Variants in ZNF106 observed in about 807,000 individuals in gnomAD.
ZNF106 encodes the protein SH3-domain binding protein 3.
In ZNF106, 67 loss-of-function variants were observed where a neutral mutation model predicts 195.1. The observed-to-expected ratio is 0.34, with a 90% confidence interval of 0.28 to 0.42. The LOEUF (loss-of-function observed/expected upper bound fraction) is 0.42. ZNF106 is among the 10% of genes least tolerant of loss of function. The probability of loss-of-function intolerance (pLI) is 1.00; values close to 1 mark genes in which losing one functional copy is unlikely to be tolerated. For synonymous variants in ZNF106, 784 were observed against 818.6 expected, an observed-to-expected ratio of 0.96 and a Z score of 0.72; for missense variants, 2,118 against 2,304.5, an observed-to-expected ratio of 0.92 and a Z score of 1.66.
At chr15:42,441,047 A>ATATG (rs2055514363) in intron 10 of ZNF106, among the ~76,000 whole-genome samples, 1 of 104,952 alleles carries the variant, frequency 9.5e-6, no homozygotes, top group East Asian at 3.2e-4. Context: ...ATATATATAT[A>ATATG]TGCTAAGTCA....
chr15:42,484,174 C>A (rs560819448), intron 1 of ZNF106, among the ~76,000 whole-genome samples: 4 of 152,270 alleles, frequency 2.6e-5, no homozygotes, highest in Non-Finnish European at 4.4e-5. Context: ...ACAATTTTTT[C>A]TTTAAAGATA....
intron 14 of ZNF106, among the ~76,000 whole-genome samples, chr15:42,432,472 C>T (rs1384582595): frequency 6.6e-6 from 1 of 152,114 alleles, no homozygotes; most frequent in African/African-American, 2.4e-5. Flanking sequence ...TTAAAGTCTG[C>T]TTGCTCAATA....
rs2054401615 is a variant in ZNF106 at position 42,415,138 on chromosome 15, T to TTTTA, written c.*2165_*2166insTAAA. The TTTTA allele has an allele frequency of 1.1e-5, 2 of 176,488 alleles. No homozygotes were observed. Among genetic ancestry groups the TTTTA allele is most frequent in the African/African-American group, 4.8e-5 (2 of 41,594 alleles). The allele number at this position is 176,488 out of a possible 1,614,324, so 10.9% of individuals were successfully genotyped here. On this transcript the variant is annotated 3_prime_UTR_variant, in exon 22 of 22. Coordinates refer to ENST00000564754, the MANE Select transcript of ZNF106 (RefSeq NM_001366845.3). ...AGATTAACTCTTTTTTTTTTTTTTT[T>TTTTA]GAGGTGGAGTTTCACTCTTGTCGCC...
Position 42,451,434 on chromosome 15 carries a change from C to T in ZNF106, c.838G>A (p.Glu280Lys), listed in dbSNP as rs2056025841. 1 of 1,614,066 alleles carries T rather than the reference C, an allele frequency of 6.2e-7. No individual in the cohort carries two copies. The highest frequency in any genetic ancestry group is 8.5e-7 in the Non-Finnish European group (1 of 1,180,046). The change falls in exon 5 of 22, where the codon GAA (glutamate) becomes AAA (lysine). Residue 280 changes from glutamate to lysine, a missense_variant. Glu to Lys is a moderately conservative substitution (Grantham distance 56, BLOSUM62 1). Transcript: ENST00000564754. Reference sequence around the variant, plus strand: ...TTGTTCCATAGCATAGTCATGTCTTCCATTTGACAGTTAGAATTTCTGTTT... The same window carrying T: ...TTGTTCCATAGCATAGTCATGTCTTTCATTTGACAGTTAGAATTTCTGTTT... ...GRNRNSNCQM[E>K]DMTMLWNKKS...
chr15:42,468,743 A>AAAAAAAT (rs1347982563), intron 2 of ZNF106, among the ~76,000 whole-genome samples: 2 of 151,704 alleles, frequency 1.3e-5, no homozygotes, highest in African/African-American at 4.8e-5. Context: ...CTCCGTCTCA[A>AAAAAAAT]AAAAAATAAA....
chr15:42,479,112 G>A (rs1263298987), intron 1 of ZNF106, among the ~76,000 whole-genome samples: 1 of 152,070 alleles, frequency 6.6e-6, no homozygotes, highest in African/African-American at 2.4e-5. Flanking sequence ...TACGACTCAC[G>A]TCTATAATCC....
At chr15:42,429,762 G>A (rs781096124) in intron 14 of ZNF106, among the ~76,000 whole-genome samples, 1 of 151,948 alleles carries the variant, frequency 6.6e-6, no homozygotes, top group Admixed American at 6.5e-5. Flanking sequence ...GAGATCTTTT[G>A]TAACTTTATA....
intron 17 of ZNF106, among the ~76,000 whole-genome samples, chr15:42,422,884 G>A (rs543266172): frequency 1.1e-4 from 16 of 151,934 alleles, no homozygotes; most frequent in South Asian, 8.3e-4. Flanking sequence ...GAAAGAAAGC[G>A]GCCAAAACTC....
chr15:42,459,636 ATATAAATC>A (rs1261017684), intron 3 of ZNF106, among the ~76,000 whole-genome samples: 1 of 152,256 alleles, frequency 6.6e-6, no homozygotes, highest in East Asian at 1.9e-4. Flanking sequence ...GAAGTTAATT[ATATAAATC>A]TATCACAATG....
intron 4 of ZNF106, 61 bp from the exon 5 acceptor site, chr15:42,452,015 C>CATAA: frequency 6.6e-7 from 1 of 1,519,982 alleles, no homozygotes; most frequent in East Asian, 2.3e-5. Flanking sequence ...CCTTGAAAGG[C>CATAA]ATAACCCACC....
chr15:42,448,556 G>T lies in ZNF106; in HGVS notation c.2651C>A (p.Ser884Tyr). The T allele has an allele frequency of 6.2e-7, 1 of 1,614,138 alleles. No individual in the cohort carries two copies. Reference protein sequence around the residue: ...SPGLARKRSLSESSVIMDRAP... With the variant: ...SPGLARKRSLYESSVIMDRAP... Reference sequence around the variant, plus strand: ...TCTGTCCATGATCACGCTGCTCTCAGAAAGGCTTCGCTTTCTTGCCAAGCC... The same window carrying T: ...TCTGTCCATGATCACGCTGCTCTCATAAAGGCTTCGCTTTCTTGCCAAGCC... The change falls in exon 6 of 22, where the codon TCT becomes TAT. Residue 884 changes from serine to tyrosine, a missense_variant. Transcript: ENST00000564754.
Position 42,414,685 on chromosome 15 carries a change from T to A in ZNF106, c.*2619A>T, listed in dbSNP as rs1332207691. The A allele has an allele frequency of 6.6e-6, 1 of 152,164 alleles. No homozygotes were observed. Among genetic ancestry groups the A allele is most frequent in the Admixed American group, 6.6e-5 (1 of 15,258 alleles). 9.4% of individuals were successfully genotyped at this position (152,164 alleles called of 1,614,324 possible). On this transcript the variant is annotated 3_prime_UTR_variant, in exon 22 of 22. Transcript: ENST00000564754. ...TCCTGCTGCACAAAGTCTCCTTCACTCTCATCTTTTCGATACATCGTCAGG... is the reference window on the plus strand; with the variant it reads ...TCCTGCTGCACAAAGTCTCCTTCACACTCATCTTTTCGATACATCGTCAGG...
chr15:42,482,948 T>C (rs1467807210), intron 1 of ZNF106, among the ~76,000 whole-genome samples: 1 of 152,158 alleles, frequency 6.6e-6, no homozygotes, highest in East Asian at 1.9e-4. Context: ...GCTTCTCCTC[T>C]CTCTCTGCTT....
chr15:42,488,799 G>A (rs141916075), intron 1 of ZNF106, among the ~76,000 whole-genome samples: 431 of 152,016 alleles, frequency 2.8e-3, no homozygotes, highest in African/African-American at 9.8e-3. Flanking sequence ...AATTGAGGCC[G>A]GGCACTGTGG....
At chr15:42,458,930 G>A (rs979956088) in intron 3 of ZNF106, among the ~76,000 whole-genome samples, 2 of 151,740 alleles carry the variant, frequency 1.3e-5, no homozygotes, top group Non-Finnish European at 2.9e-5. Flanking sequence ...AAACAACACT[G>A]TTCCTTATTT....
At position 42,415,594 on chromosome 15, in the gene ZNF106, A is replaced by C; in HGVS notation, c.*1710T>G. 1 of 419,732 alleles carries C rather than the reference A, an allele frequency of 2.4e-6. No individual in the cohort carries two copies. Among genetic ancestry groups the C allele is most frequent in the East Asian group, 7.1e-5 (1 of 13,998 alleles). 26.0% of individuals were successfully genotyped at this position (419,732 alleles called of 1,614,324 possible). Reference sequence around the variant, plus strand: ...CCCCTGCCCGATAGCCTGAGGGAAGACATGTGAGTGGATATATGTGCACTA... The same window carrying C: ...CCCCTGCCCGATAGCCTGAGGGAAGCCATGTGAGTGGATATATGTGCACTA... On this transcript the variant is annotated 3_prime_UTR_variant, in exon 22 of 22. Coordinates refer to ENST00000564754, the MANE Select transcript of ZNF106 (RefSeq NM_001366845.3).
At chr15:42,417,780 C>G in intron 21 of ZNF106, 25 bp downstream of exon 21, 1 of 1,598,810 alleles carries the variant, frequency 6.3e-7, no homozygotes, top group Middle Eastern at 1.7e-4. Context: ...GAATCCCAGG[C>G]AAACCTCAAG....
intron 9 of ZNF106, 96 bp from the exon 10 acceptor site, chr15:42,442,510 A>T: frequency 9.9e-7 from 1 of 1,013,032 alleles, no homozygotes; most frequent in East Asian, 2.6e-5. Flanking sequence ...ATTAGAAAAG[A>T]ATTATAAATA....
chr15:42,423,657 T>C (rs1195305028), intron 17 of ZNF106, among the ~76,000 whole-genome samples: 2 of 152,172 alleles, frequency 1.3e-5, no homozygotes, highest in Non-Finnish European at 2.9e-5. Flanking sequence ...GCATTACAGG[T>C]GACAGCCATT....
Sources: allele counts gnomAD v4.1 joint callset (sites outside exome capture counted in the v4.1 genomes callset), GRCh38; gene constraint gnomAD v4.1.1; transcripts MANE v1.5; gene names NCBI Gene and HGNC (gene_info 2026-07-23, HGNC 2026-07-21).